Variants in ADORA2B observed in about 807,000 individuals in gnomAD.
ADORA2B encodes adenosine receptor A2b.
Under a neutral mutation model 20.8 loss-of-function variants are expected in ADORA2B, and 18 were observed. That is an observed-to-expected ratio of 0.87 (90% CI 0.60 to 1.29). ADORA2B has a LOEUF of 1.29. Ranked by LOEUF, ADORA2B falls within the 50% of genes most tolerant of loss-of-function variation. ADORA2B has a pLI of 0.00. For synonymous variants in ADORA2B, 179 were observed against 178.3 expected, an observed-to-expected ratio of 1.00 and a Z score of -0.03; for missense variants, 441 against 422.7, an observed-to-expected ratio of 1.04 and a Z score of -0.38.
At chr17:15,946,243 G>A (rs866439159) in intron 1 of ADORA2B, among the ~76,000 whole-genome samples, 1 of 152,332 alleles carries the variant, frequency 6.6e-6, no homozygotes, top group Middle Eastern at 3.4e-3. Flanking sequence ...ATGCTTCCTC[G>A]TGTCTGGCAA....
At chr17:15,881,352 C>T in the ADORA2B span, among the ~76,000 whole-genome samples, 9 of 152,348 alleles carry the variant, frequency 5.9e-5, no homozygotes, top group Admixed American at 2.6e-4. Flanking sequence ...CCATCTGCCT[C>T]GGCCTCCCGA....
the ADORA2B span, among the ~76,000 whole-genome samples, chr17:15,888,970 C>T: frequency 9.3e-6 from 1 of 107,120 alleles, no homozygotes; most frequent in African/African-American, 4.3e-5. Context: ...TCAAGCGATT[C>T]TCCTGCCTCA....
the ADORA2B span, among the ~76,000 whole-genome samples, chr17:15,860,228 A>G: frequency 6.6e-6 from 1 of 152,160 alleles, no homozygotes; most frequent in South Asian, 2.1e-4. Context: ...GGCTCTTGAG[A>G]CAGGAGTCTT....
chr17:15,930,286 C>CT, the ADORA2B span, among the ~76,000 whole-genome samples: 33,288 of 138,664 alleles, frequency 0.24, 4,124 homozygotes, highest in African/African-American at 0.33. Context: ...TATGTGTCTC[C>CT]TTTTTTTTTT....
intron 1 of ADORA2B, among the ~76,000 whole-genome samples, chr17:15,969,748 T>TCAA (rs1430046572): frequency 6.6e-5 from 10 of 152,320 alleles, no homozygotes; most frequent in Admixed American, 2.0e-4. Context: ...TTGTCTCGAG[T>TCAA]CAACTACCGA....
At chr17:15,974,656 A>G (rs752079742) in intron 1 of ADORA2B, 23 bp from the exon 2 acceptor site, 2 of 1,601,248 alleles carry the variant, frequency 1.2e-6, no homozygotes, top group Admixed American at 3.4e-5. Flanking sequence ...ACTGACCGTA[A>G]CAGATGGTAT....
the ADORA2B span, among the ~76,000 whole-genome samples, chr17:15,854,700 G>A: frequency 2.2e-4 from 33 of 152,326 alleles, no homozygotes; most frequent in Admixed American, 2.0e-3. Context: ...ATGTGGAGTA[G>A]GACCTCTAAG....
the ADORA2B span, among the ~76,000 whole-genome samples, chr17:15,870,726 T>C: frequency 6.6e-6 from 1 of 152,232 alleles, no homozygotes; most frequent in Non-Finnish European, 1.5e-5. Context: ...AAGCAACCCC[T>C]GAAATACCAG....
the ADORA2B span, among the ~76,000 whole-genome samples, chr17:15,911,231 T>G: frequency 3.3e-5 from 5 of 152,258 alleles, no homozygotes; most frequent in South Asian, 2.1e-4. Context: ...TTATTACTTG[T>G]GCTGCTTCAC....
At chr17:15,896,453 G>A in the ADORA2B span, among the ~76,000 whole-genome samples, 9 of 152,068 alleles carry the variant, frequency 5.9e-5, no homozygotes, top group South Asian at 2.1e-4. Flanking sequence ...GAGATGTGTC[G>A]CCAAACTGAT....
the ADORA2B span, among the ~76,000 whole-genome samples, chr17:15,892,036 C>T: frequency 0.34 from 48,116 of 141,522 alleles, 8,474 homozygotes; most frequent in African/African-American, 0.48. Flanking sequence ...TTTTTTTGTA[C>T]TTTTAGTAGA....
At chr17:15,857,992 C>T in the ADORA2B span, among the ~76,000 whole-genome samples, 1 of 143,290 alleles carries the variant, frequency 7.0e-6, no homozygotes, top group Admixed American at 7.0e-5. Context: ...ACCATCTTTT[C>T]TTCATCCATT....
At chr17:15,850,974 A>C in the ADORA2B span, among the ~76,000 whole-genome samples, 1 of 152,226 alleles carries the variant, frequency 6.6e-6, no homozygotes, top group Non-Finnish European at 1.5e-5. Context: ...TATTTGTTGA[A>C]TGAATAAAGG....
At chr17:15,962,568 G>C (rs942433852) in intron 1 of ADORA2B, among the ~76,000 whole-genome samples, 3 of 151,596 alleles carry the variant, frequency 2.0e-5, no homozygotes, top group Non-Finnish European at 4.4e-5. Flanking sequence ...TTACGCGCTT[G>C]TTGCCTGGGC....
chr17:15,957,235 A>G (rs981554829), intron 1 of ADORA2B, among the ~76,000 whole-genome samples: 1 of 152,218 alleles, frequency 6.6e-6, no homozygotes, highest in Non-Finnish European at 1.5e-5. Flanking sequence ...TCTGGAGCAG[A>G]GGAGCCACAG....
chr17:15,874,095 T>C, the ADORA2B span, among the ~76,000 whole-genome samples: 6 of 145,918 alleles, frequency 4.1e-5, no homozygotes, highest in South Asian at 8.5e-4. Flanking sequence ...TATATATGTA[T>C]ACACACACAC....
At chr17:15,924,404 GA>G in the ADORA2B span, among the ~76,000 whole-genome samples, 1 of 152,170 alleles carries the variant, frequency 6.6e-6, no homozygotes, top group Non-Finnish European at 1.5e-5. Flanking sequence ...GGTGGGGTAT[GA>G]ATTTATATAC....
At chr17:15,919,852 A>T in the ADORA2B span, among the ~76,000 whole-genome samples, 1 of 152,238 alleles carries the variant, frequency 6.6e-6, no homozygotes, top group Non-Finnish European at 1.5e-5. Flanking sequence ...TATAAAAAAT[A>T]AAAATAATTT....
chr17:15,906,347 T>G, the ADORA2B span, among the ~76,000 whole-genome samples: 2 of 152,270 alleles, frequency 1.3e-5, no homozygotes, highest in Non-Finnish European at 2.9e-5. Context: ...GTAATGCTTT[T>G]TCTTCATCTG....
Sources: allele counts gnomAD v4.1 joint callset (sites outside exome capture counted in the v4.1 genomes callset), GRCh38; gene constraint gnomAD v4.1.1; transcripts MANE v1.5; gene names NCBI Gene and HGNC (gene_info 2026-07-23, HGNC 2026-07-21).